The following PTPRJ variants were observed in gnomAD, a reference collection of about 807,000 sequenced individuals.
PTPRJ encodes the protein receptor-type tyrosine-protein phosphatase eta.
In PTPRJ, 129 loss-of-function variants were observed where a neutral mutation model predicts 141.3. The observed-to-expected ratio is 0.91, with a 90% CI of 0.79 to 1.06. The LOEUF (loss-of-function observed/expected upper bound fraction) is 1.06, where lower values mean the gene tolerates loss of function less well. Among genes scored for constraint, PTPRJ ranks in the 50% least tolerant of loss-of-function variants. The pLI is 0.00. For missense variants in PTPRJ, 1,601 were observed against 1,679.7 expected, an observed-to-expected ratio of 0.95 and a Z score of 0.82; for synonymous variants, 610 against 640.5, an observed-to-expected ratio of 0.95 and a Z score of 0.72.
chr11:48,168,088 A>G lies in PTPRJ; in HGVS notation c.*726A>G, dbSNP rs1048865258. 1 of 150,932 alleles carries G rather than the reference A, an allele frequency of 6.6e-6. No individual in the cohort carries two copies. The highest frequency in any genetic ancestry group is 2.1e-4 in the South Asian group (1 of 4,784). 9.3% of individuals were successfully genotyped at this position (150,932 alleles called of 1,614,324 possible). ...CCTGCCCCCTGTACATTTGTGCTCC[A>G]TTTTTTCTTCCCTTTTCCCTCCCAG... is the stretch of plus-strand genomic sequence containing the variant. On this transcript the variant is annotated 3_prime_UTR_variant, in exon 25 of 25. Transcript: ENST00000418331.
chr11:48,151,370 T>C (rs1216797543), intron 18 of PTPRJ, among the ~76,000 whole-genome samples: 1 of 150,876 alleles, frequency 6.6e-6, no homozygotes, highest in Non-Finnish European at 1.5e-5. Flanking sequence ...TTGTCTCTTT[T>C]CCTCCTATAA....
chr11:48,164,962 A>C (rs1172536196), intron 24 of PTPRJ, among the ~76,000 whole-genome samples: 1 of 152,104 alleles, frequency 6.6e-6, no homozygotes, highest in African/African-American at 2.4e-5. Context: ...GTGAACTAAC[A>C]CTGGATTTCT....
At chr11:48,153,492 CAAAAAAAAAAAAAA>C (rs59516853) in intron 18 of PTPRJ, among the ~76,000 whole-genome samples, 1 of 68,438 alleles carries the variant, frequency 1.5e-5, no homozygotes, top group Non-Finnish European at 2.5e-5. Context: ...GACTCTGTCT[CAAAAAAAAAAAAAA>C]AAAAAAAAAA....
Position 48,167,207 on chromosome 11 carries a change from C to A in PTPRJ, c.3859C>A (p.Gln1287Lys). 1 of 1,610,114 alleles carries A rather than the reference C, an allele frequency of 6.2e-7. No homozygotes were observed. The highest frequency in any genetic ancestry group is 8.5e-7 in the Non-Finnish European group (1 of 1,177,290). ...HRPLMVQTEDQYVFLNQCVLD... is the reference protein window; with the variant it reads ...HRPLMVQTEDKYVFLNQCVLD... ...CTCTCTTTCGTTTTTCTATCAGGACCAGTATGTTTTCCTCAATCAGTGTGT... is the reference window on the plus strand; with the variant it reads ...CTCTCTTTCGTTTTTCTATCAGGACAAGTATGTTTTCCTCAATCAGTGTGT... The change falls in exon 25 of 25, where the codon CAG becomes AAG. Residue 1287 changes from glutamine to lysine, a missense_variant. Gln to Lys is a moderately conservative substitution (Grantham distance 53). Transcript: ENST00000418331.
intron 1 of PTPRJ, among the ~76,000 whole-genome samples, chr11:48,093,619 A>G (rs563675653): frequency 3.3e-5 from 5 of 152,276 alleles, no homozygotes; most frequent in Non-Finnish European, 7.4e-5. Context: ...AAGCGATTTT[A>G]TGTATTTTTT....
Position 48,113,002 on chromosome 11 carries a change from GC to G in PTPRJ, c.352+21del. On this transcript the variant is annotated intron_variant, in intron 3 of 24. Transcript: ENST00000418331. ...AGCACTGGTAAGCATAGGCTTTTCT[GC>G]CAGTCATGTTTCTTAAAGGAAATCG... is the stretch of plus-strand genomic sequence containing the variant. 6.4e-7 allele frequency: 1 copy of G among 1,559,638 alleles called. No homozygotes were observed. Among genetic ancestry groups the G allele is most frequent in the Non-Finnish European group, 8.8e-7 (1 of 1,137,620 alleles).
chr11:48,017,947 T>C (rs1411717530), intron 1 of PTPRJ, among the ~76,000 whole-genome samples: 2 of 152,140 alleles, frequency 1.3e-5, no homozygotes, highest in Non-Finnish European at 2.9e-5. Flanking sequence ...GTAAATTAGT[T>C]CCTGCAAAAA....
intron 22 of PTPRJ, among the ~76,000 whole-genome samples, chr11:48,162,712 G>C (rs1254560915): frequency 1.3e-5 from 2 of 152,188 alleles, no homozygotes; most frequent in Non-Finnish European, 2.9e-5. Flanking sequence ...GTCATTCCCT[G>C]GTATGGGCAT....
intron 3 of PTPRJ, among the ~76,000 whole-genome samples, chr11:48,113,620 T>C (rs891131091): frequency 6.6e-6 from 1 of 152,176 alleles, no homozygotes; most frequent in African/African-American, 2.4e-5. Context: ...AAAACTGTGG[T>C]TCAGAGATCT....
At chr11:48,104,180 G>A (rs1402143327) in intron 1 of PTPRJ, among the ~76,000 whole-genome samples, 2 of 152,120 alleles carry the variant, frequency 1.3e-5, no homozygotes, top group East Asian at 1.9e-4. Flanking sequence ...CCTTTTGGAT[G>A]GGAGATAGGC....
At chr11:48,044,899 T>A (rs1590433798) in intron 1 of PTPRJ, 1 of 152,256 alleles carries the variant, frequency 6.6e-6, no homozygotes, top group African/African-American at 2.4e-5. Flanking sequence ...GCTGAGTGAA[T>A]GAAAGAATAT....
At chr11:48,110,442 G>A (rs1856410585) in intron 2 of PTPRJ, among the ~76,000 whole-genome samples, 2 of 152,030 alleles carry the variant, frequency 1.3e-5, no homozygotes, top group African/African-American at 4.8e-5. Context: ...CAGGTGATCC[G>A]CCCGCCTTGG....
intron 1 of PTPRJ, among the ~76,000 whole-genome samples, chr11:47,982,842 A>G (rs1853946809): frequency 6.6e-6 from 1 of 151,820 alleles, no homozygotes; most frequent in Admixed American, 6.6e-5. Flanking sequence ...CTGTATTTAG[A>G]TATTTCCTTC....
intron 1 of PTPRJ, among the ~76,000 whole-genome samples, chr11:47,996,365 T>A (rs1854336708): frequency 6.6e-6 from 1 of 150,522 alleles, no homozygotes; most frequent in Admixed American, 6.6e-5. Context: ...AAGAGGAACT[T>A]GGGAAAGAGC....
intron 1 of PTPRJ, among the ~76,000 whole-genome samples, chr11:48,012,034 C>T (rs915278986): frequency 6.6e-6 from 1 of 152,102 alleles, no homozygotes; most frequent in African/African-American, 2.4e-5. Flanking sequence ...GTTGAAGTGA[C>T]AGAGTACGGT....
At chr11:48,135,485 T>TTC (rs1375224334) in intron 8 of PTPRJ, among the ~76,000 whole-genome samples, 4 of 139,016 alleles carry the variant, frequency 2.9e-5, no homozygotes, top group African/African-American at 1.1e-4. Flanking sequence ...CCTTTTTTTT[T>TTC]TTTTTTTTTT....
At chr11:48,126,563 C>G (rs1243041652) in intron 6 of PTPRJ, among the ~76,000 whole-genome samples, 1 of 151,994 alleles carries the variant, frequency 6.6e-6, no homozygotes, top group African/African-American at 2.4e-5. Context: ...CTTCCTCTTC[C>G]AGGTTGCAGA....
intron 1 of PTPRJ, among the ~76,000 whole-genome samples, chr11:48,092,294 C>CAAAAAAAAAAAAAAAAAAAAA (rs3971621): frequency 2.6e-4 from 12 of 46,950 alleles, no homozygotes; most frequent in East Asian, 2.4e-3. Context: ...GATTTCATCT[C>CAAAAAAAAAAAAAAAAAAAAA]AAAAAAAAAA....
intron 1 of PTPRJ, among the ~76,000 whole-genome samples, chr11:48,029,643 G>A (rs1590417873): frequency 6.6e-6 from 1 of 152,150 alleles, no homozygotes; most frequent in East Asian, 1.9e-4. Flanking sequence ...TGCTCATAGA[G>A]CTTTTTTCTT....
Sources: allele counts gnomAD v4.1 joint callset (sites outside exome capture counted in the v4.1 genomes callset), GRCh38; gene constraint gnomAD v4.1.1; transcripts MANE v1.5; gene names NCBI Gene and HGNC (gene_info 2026-07-23, HGNC 2026-07-21).